The following PROS1 variants were observed in gnomAD, a reference collection of about 807,000 sequenced individuals.
The protein encoded by PROS1 is protein S.
A neutral mutation model predicts 75.9 loss-of-function variants in PROS1; 29 were observed. The observed-to-expected ratio is 0.38, with a 90% CI of 0.28 to 0.52. The LOEUF is 0.52. Among genes scored for constraint, PROS1 ranks in the 20% least tolerant of loss-of-function variants. The pLI is 0.83. For synonymous variants in PROS1, 245 were observed against 280.6 expected, an observed-to-expected ratio of 0.87 and a Z score of 1.27; for missense variants, 680 against 810.3, an observed-to-expected ratio of 0.84 and a Z score of 1.95.
chr3:93,966,741 G>T (rs1709796174), intron 1 of PROS1, among the ~76,000 whole-genome samples: 1 of 151,612 alleles, frequency 6.6e-6, no homozygotes, highest in Non-Finnish European at 1.5e-5. Context: ...GCTGGGCGTG[G>T]TGGCAACATG....
intron 12 of PROS1, 25 bp from the exon 13 acceptor site, chr3:93,879,339 C>G (rs781623296): frequency 5.0e-6 from 8 of 1,612,138 alleles, no homozygotes; most frequent in East Asian, 2.2e-5. Flanking sequence ...GAAACAGAAG[C>G]ATGATCAATG....
At chr3:93,903,803 C>T (rs1035322112) in intron 6 of PROS1, among the ~76,000 whole-genome samples, 4 of 151,972 alleles carry the variant, frequency 2.6e-5, no homozygotes, top group Non-Finnish European at 5.9e-5. Flanking sequence ...TCACTCATGT[C>T]CTAATGACAG....
rs1389942052 is a variant in PROS1 at position 93,968,787 on chromosome 3, A to T, written c.76+4887T>A. Among the ~76,000 whole-genome samples the T allele has an allele frequency of 1.1e-3, 163 of 152,352 alleles. 1 individual carries two copies. Among genetic ancestry groups the T allele is most frequent in the African/African-American group, 3.7e-3 (152 of 41,578 alleles). ...TTAGAAGGAAGACAATAATCCAGGC[A>T]AAATAGTGTTGTTGCCACATACTAA... On this transcript the variant is annotated intron_variant, in intron 1 of 14. Coordinates refer to ENST00000394236, the MANE Select transcript of PROS1 (RefSeq NM_000313.4).
At chr3:93,956,974 C>T (rs377244921) in intron 1 of PROS1, among the ~76,000 whole-genome samples, 50 of 152,060 alleles carry the variant, frequency 3.3e-4, no homozygotes, top group East Asian at 1.5e-3. Flanking sequence ...GCTAACAATT[C>T]TATTTCTAGA....
intron 2 of PROS1, 138 bp downstream of exon 2, chr3:93,927,112 T>C (rs1224573956): frequency 9.3e-7 from 1 of 1,076,452 alleles, no homozygotes; most frequent in Non-Finnish European, 1.4e-6. Context: ...CCTCCTGAAA[T>C]GGAAGTGGTT....
chr3:93,915,574 A>G (rs1011099224), intron 3 of PROS1, among the ~76,000 whole-genome samples: 8 of 152,244 alleles, frequency 5.3e-5, no homozygotes, highest in Non-Finnish European at 7.3e-5. Flanking sequence ...AGCCTTCCCT[A>G]CAGCCCTCAG....
intron 14 of PROS1, among the ~76,000 whole-genome samples, chr3:93,875,486 T>C (rs1228813447): frequency 1.3e-4 from 20 of 152,214 alleles, no homozygotes; most frequent in Admixed American, 1.3e-3. Context: ...CTACTTCTTT[T>C]AAACTCTTTG....
chr3:93,917,625 G>C (rs9826711), intron 3 of PROS1, among the ~76,000 whole-genome samples: 13,038 of 152,154 alleles, frequency 0.086, 1,268 homozygotes, highest in African/African-American at 0.24. Flanking sequence ...GGAAAGGCGC[G>C]AGGGGGAACA....
intron 11 of PROS1, among the ~76,000 whole-genome samples, chr3:93,885,817 G>A (rs1006037113): frequency 1.3e-5 from 2 of 152,092 alleles, no homozygotes; most frequent in Admixed American, 6.6e-5. Flanking sequence ...AAGTAACTAC[G>A]AATTTCCAGA....
chr3:93,958,163 TA>T (rs1217074181), intron 1 of PROS1, among the ~76,000 whole-genome samples: 1 of 152,132 alleles, frequency 6.6e-6, no homozygotes. Context: ...TTATTATTTT[TA>T]CTTATATGTT....
chr3:93,937,061 C>T (rs936880116), intron 1 of PROS1, among the ~76,000 whole-genome samples: 2 of 152,110 alleles, frequency 1.3e-5, no homozygotes, highest in African/African-American at 4.8e-5. Flanking sequence ...GCAGGACGAG[C>T]CACAGACAAA....
chr3:93,899,768 A>C (rs775969035), intron 7 of PROS1, among the ~76,000 whole-genome samples: 1 of 152,216 alleles, frequency 6.6e-6, no homozygotes, highest in Non-Finnish European at 1.5e-5. Context: ...GGTTACCGCC[A>C]TCAAGGTAAC....
chr3:93,908,573 G>A (rs900309208), intron 4 of PROS1, among the ~76,000 whole-genome samples: 13 of 152,298 alleles, frequency 8.5e-5, no homozygotes, highest in South Asian at 2.1e-4. Context: ...AAAAGATCCC[G>A]TAGGGTCTTT....
In PROS1 at chr3:93,892,897, A is replaced by T. The variant is rs1294800732; in HGVS notation, c.1155+36T>A. 4 of 1,585,776 alleles carry T rather than the reference A, an allele frequency of 2.5e-6. No individual in the cohort carries two copies. The Admixed American group carries it at 5.0e-5, about 20-fold the overall frequency. ...ATTATGATTTTATACAGACTGCATC[A>T]AAGTGGGAAGATATTGATGAAATCT... On this transcript the variant is annotated intron_variant, in intron 10 of 14. Transcript: ENST00000394236.
At chr3:93,915,887 G>T (rs1360097794) in intron 3 of PROS1, among the ~76,000 whole-genome samples, 1 of 151,970 alleles carries the variant, frequency 6.6e-6, no homozygotes, top group Non-Finnish European at 1.5e-5. Flanking sequence ...CCATTACCCA[G>T]TTCCAAAACT....
intron 1 of PROS1, among the ~76,000 whole-genome samples, chr3:93,955,722 T>TAAA (rs71621579): frequency 2.2e-5 from 3 of 135,878 alleles, no homozygotes; most frequent in African/African-American, 8.0e-5. Flanking sequence ...ACTTAAAGTA[T>TAAA]AAAAAAAAAA....
At chr3:93,906,322 T>C (rs1405639526) in intron 4 of PROS1, among the ~76,000 whole-genome samples, 179 bp from the exon 5 acceptor site, 2 of 152,240 alleles carry the variant, frequency 1.3e-5, no homozygotes, top group African/African-American at 4.8e-5. Context: ...ATCTTTATAA[T>C]TATTTTGTAA....
chr3:93,918,731 A>G (rs942385936), intron 3 of PROS1, among the ~76,000 whole-genome samples: 1 of 152,134 alleles, frequency 6.6e-6, no homozygotes, highest in African/African-American at 2.4e-5. Context: ...TTTTTACAAG[A>G]GATGGGGTTT....
intron 1 of PROS1, among the ~76,000 whole-genome samples, chr3:93,953,784 A>G (rs1225160821): frequency 6.6e-6 from 1 of 152,134 alleles, no homozygotes; most frequent in Non-Finnish European, 1.5e-5. Context: ...AGGAAGTCCA[A>G]TTGCCCCTGT....
Sources: allele counts gnomAD v4.1 joint callset (sites outside exome capture counted in the v4.1 genomes callset), GRCh38; gene constraint gnomAD v4.1.1; transcripts MANE v1.5; gene names NCBI Gene and HGNC (gene_info 2026-07-23, HGNC 2026-07-21).